Variants in ABLIM1 observed in about 807,000 individuals in gnomAD.
The protein encoded by ABLIM1 is actin binding LIM protein 1, also known as actin-binding LIM protein 1.
In ABLIM1, 40 loss-of-function variants were observed where a neutral mutation model predicts 107.0. That is an observed-to-expected ratio of 0.37 (90% CI 0.29 to 0.49). The LOEUF is 0.49. Among genes scored for constraint, ABLIM1 ranks in the 20% least tolerant of loss-of-function variants. ABLIM1 has a pLI of 0.97. For synonymous variants in ABLIM1, 357 were observed against 357.3 expected, an observed-to-expected ratio of 1.00 and a Z score of 0.01; for missense variants, 857 against 1,008.5, an observed-to-expected ratio of 0.85 and a Z score of 2.04.
At chr10:114,524,605 CTA>C (rs1204207847) in intron 6 of ABLIM1, among the ~76,000 whole-genome samples, 1 of 152,064 alleles carries the variant, frequency 6.6e-6, no homozygotes, top group Non-Finnish European at 1.5e-5. Flanking sequence ...ACAAAAAACT[CTA>C]TATTTACAGA....
chr10:114,453,259 T>C (rs899820972), intron 13 of ABLIM1, 120 bp downstream of exon 13: 26 of 1,058,404 alleles, frequency 2.5e-5, no homozygotes, highest in Admixed American at 6.0e-5. Context: ...TCCTGCAATT[T>C]AGGGTTTGTT....
chr10:114,788,336 A>T, the ABLIM1 span, among the ~76,000 whole-genome samples: 3 of 130,294 alleles, frequency 2.3e-5, no homozygotes, highest in Non-Finnish European at 4.7e-5. Flanking sequence ...TAAAAAAATA[A>T]AAAAAAAAAA....
chr10:114,548,885 G>T (rs539192100), intron 4 of ABLIM1, among the ~76,000 whole-genome samples: 1 of 152,266 alleles, frequency 6.6e-6, no homozygotes, highest in African/African-American at 2.4e-5. Flanking sequence ...CCAAGACAGA[G>T]TCCACTTGGT....
chr10:114,614,544 A>G (rs1015023691), intron 1 of ABLIM1, among the ~76,000 whole-genome samples: 5 of 152,164 alleles, frequency 3.3e-5, no homozygotes, highest in African/African-American at 1.2e-4. Flanking sequence ...AGAGCCCATA[A>G]CAAGACAGAT....
intron 1 of ABLIM1, among the ~76,000 whole-genome samples, chr10:114,602,791 A>G (rs2076120676): frequency 6.6e-6 from 1 of 152,038 alleles, no homozygotes; most frequent in African/African-American, 2.4e-5. Flanking sequence ...CTAAAAGAAT[A>G]CTCTTAGTTT....
At position 114,503,554 on chromosome 10, in the gene ABLIM1, T is replaced by C. The variant is rs74158012; in HGVS notation, c.895-11676A>G. Among the ~76,000 whole-genome samples the C allele has an allele frequency of 9.0e-3, 1,377 of 152,312 alleles. 30 individuals carry two copies. Among genetic ancestry groups the C allele is most frequent in the African/African-American group, 0.031 (1,292 of 41,550 alleles). On this transcript the variant is annotated intron_variant, in intron 6 of 22. Coordinates refer to ENST00000533213, the MANE Select transcript of ABLIM1 (RefSeq NM_002313.7). Reference sequence around the variant, plus strand: ...TATACATATTTCAGTTGTATATATATACATATATATGCATGGGAATAGAGA... The same window carrying C: ...TATACATATTTCAGTTGTATATATACACATATATATGCATGGGAATAGAGA...
At chr10:114,457,459 G>T (rs1276980575) in intron 12 of ABLIM1, among the ~76,000 whole-genome samples, 1 of 151,964 alleles carries the variant, frequency 6.6e-6, no homozygotes, top group Non-Finnish European at 1.5e-5. Context: ...TAGTAGAGAC[G>T]GGGTTTCATC....
At chr10:114,510,711 T>C (rs1372883306) in intron 6 of ABLIM1, among the ~76,000 whole-genome samples, 1 of 151,894 alleles carries the variant, frequency 6.6e-6, no homozygotes, top group Non-Finnish European at 1.5e-5. Flanking sequence ...AATGCAGTGA[T>C]GCGATCTTGG....
chr10:114,617,349 C>T (rs973945726), intron 1 of ABLIM1, among the ~76,000 whole-genome samples: 1 of 149,440 alleles, frequency 6.7e-6, no homozygotes, highest in Admixed American at 6.7e-5. Flanking sequence ...GCAACCTCTG[C>T]CTCCTGTGTT....
chr10:114,442,120 C>T (rs1212509376), intron 17 of ABLIM1, among the ~76,000 whole-genome samples: 1 of 152,126 alleles, frequency 6.6e-6, no homozygotes, highest in East Asian at 1.9e-4. Flanking sequence ...TTATTAGTTC[C>T]ATATTACAGA....
intron 6 of ABLIM1, among the ~76,000 whole-genome samples, chr10:114,541,236 C>T (rs538049902): frequency 6.6e-6 from 1 of 151,812 alleles, no homozygotes; most frequent in South Asian, 2.1e-4. Flanking sequence ...CGTCTAACCT[C>T]AAGAACTGAC....
chr10:114,586,985 T>C (rs2074267574), intron 2 of ABLIM1, among the ~76,000 whole-genome samples: 1 of 152,210 alleles, frequency 6.6e-6, no homozygotes, highest in Admixed American at 6.5e-5. Context: ...TACCCCCATC[T>C]TCATCCACTT....
chr10:114,597,888 C>A (rs1181684560), intron 2 of ABLIM1, among the ~76,000 whole-genome samples: 8 of 152,266 alleles, frequency 5.3e-5, no homozygotes, highest in African/African-American at 1.9e-4. Flanking sequence ...AGTGAGGGAA[C>A]CACAGGAATG....
At chr10:114,789,805 T>G in the ABLIM1 span, among the ~76,000 whole-genome samples, 5 of 152,054 alleles carry the variant, frequency 3.3e-5, no homozygotes, top group South Asian at 1.0e-3. Context: ...TTTTTTTTTT[T>G]TGGATACAGA....
chr10:114,550,386 TA>T (rs67060352), intron 4 of ABLIM1, among the ~76,000 whole-genome samples: 118,022 of 151,552 alleles, frequency 0.78, 46,589 homozygotes, highest in African/African-American at 0.93. Context: ...TAGTTTTTTT[TA>T]AAAAAAAGAC....
At position 114,484,580 on chromosome 10, in the gene ABLIM1, A is replaced by T. The variant is rs577393441; in HGVS notation, c.1041+3378T>A. 4.6e-5 allele frequency among the ~76,000 whole-genome samples: 7 copies of T among 152,106 alleles called. No homozygotes were observed. The South Asian group carries it at 1.5e-3, about 32-fold the overall frequency. ...ATATTTTTAGTGGAGACGGGGTTTCACCATGTTGGCCAGGGTGGTCTTGAA... is the reference window on the plus strand; with the variant it reads ...ATATTTTTAGTGGAGACGGGGTTTCTCCATGTTGGCCAGGGTGGTCTTGAA... On this transcript the variant is annotated intron_variant, in intron 8 of 22. Transcript: ENST00000533213.
At position 114,437,866 on chromosome 10, in the gene ABLIM1, T is replaced by G; in HGVS notation, c.2201A>C (p.Glu734Ala). ...TNRGRNKILR[E>A]VDRTRLERHL... ...TACCTCCAGCCTGGTTCTGTCCACC[T>G]CTCTGAGGATTTTGTTTCGCCCTCT... Residue 734 changes from glutamate to alanine, a missense_variant, in exon 22 of 23, where the codon GAG (glutamate) becomes GCG (alanine). By Grantham distance (107) the Glu-to-Ala change is moderately radical. Around this residue, in one of 5 missense-constraint regions of ABLIM1, gnomAD observed 193 missense variants for 208.5 expected, o/e 0.93. Transcript: ENST00000533213. 2 of 1,614,146 alleles carry G rather than the reference T, an allele frequency of 1.2e-6. No individual in the cohort carries two copies. The highest frequency in any genetic ancestry group is 1.7e-6 in the Non-Finnish European group (2 of 1,180,008).
chr10:114,534,633 C>T (rs1015959989), intron 6 of ABLIM1, among the ~76,000 whole-genome samples: 17 of 152,132 alleles, frequency 1.1e-4, no homozygotes, highest in African/African-American at 3.4e-4. Context: ...ACCCACCCGC[C>T]GCCGCCACCC....
intron 20 of ABLIM1, chr10:114,439,788 G>T: frequency 2.0e-6 from 1 of 489,550 alleles, no homozygotes; most frequent in Non-Finnish European, 3.6e-6. Flanking sequence ...AACTGTATAT[G>T]AGCAGACCCT....
Sources: gnomAD v4.1 joint callset for allele counts (sites outside exome capture counted in the v4.1 genomes callset) on GRCh38, gnomAD v4.1.1 for gene constraint, gnomAD v4.1.1 regional missense constraint, MANE v1.5 for transcripts, NCBI Gene and HGNC (gene_info 2026-07-23, HGNC 2026-07-21) for gene names.